The following CNTNAP5 variants were observed in gnomAD, a reference collection of about 807,000 sequenced individuals.
CNTNAP5 encodes contactin-associated protein-like 5.
Under a neutral mutation model 150.2 loss-of-function variants are expected in CNTNAP5, and 72 were observed. The ratio of observed to expected loss-of-function variants is 0.48; its 90% CI spans 0.40 to 0.58. The LOEUF is 0.58. CNTNAP5 is among the 20% of genes least tolerant of loss of function. CNTNAP5 has a pLI of 0.00. For synonymous variants in CNTNAP5, 672 were observed against 619.8 expected (o/e 1.08, Z -1.25); for missense variants, 1,636 against 1,626.2 (o/e 1.01, Z -0.10).
intron 1 of CNTNAP5, among the ~76,000 whole-genome samples, chr2:124,200,412 G>C (rs952347065): frequency 1.3e-5 from 2 of 151,440 alleles, no homozygotes; most frequent in Non-Finnish European, 2.9e-5. Context: ...CTTTTATCTT[G>C]GTTTTCAAAT....
intron 21 of CNTNAP5, among the ~76,000 whole-genome samples, chr2:124,888,200 TTTG>T (rs1313222664): frequency 6.6e-6 from 1 of 152,158 alleles, no homozygotes; most frequent in Non-Finnish European, 1.5e-5. Context: ...CATGCAGTGT[TTTG>T]TTTTCTGTTC....
intron 3 of CNTNAP5, among the ~76,000 whole-genome samples, chr2:124,337,124 A>G (rs1455735087): frequency 1.3e-5 from 2 of 152,206 alleles, no homozygotes; most frequent in Admixed American, 6.5e-5. Context: ...TCTGATGGCC[A>G]GTGATGATGA....
intron 12 of CNTNAP5, among the ~76,000 whole-genome samples, chr2:124,632,435 C>T (rs1235120619): frequency 6.6e-6 from 1 of 152,026 alleles, no homozygotes; most frequent in Non-Finnish European, 1.5e-5. Context: ...CTGTTATCCT[C>T]AGCAAACTAA....
intron 1 of CNTNAP5, among the ~76,000 whole-genome samples, chr2:124,165,872 A>G: frequency 6.6e-6 from 1 of 152,304 alleles, no homozygotes; most frequent in East Asian, 1.9e-4. Flanking sequence ...TACAACAAGT[A>G]CATGGAGCGG....
chr2:124,181,772 A>C (rs1411478635), intron 1 of CNTNAP5, among the ~76,000 whole-genome samples: 4 of 152,232 alleles, frequency 2.6e-5, no homozygotes, highest in African/African-American at 9.6e-5. Flanking sequence ...ATCAACTAAG[A>C]TTATAAATGC....
At chr2:124,896,473 A>T (rs1257295798) in intron 21 of CNTNAP5, among the ~76,000 whole-genome samples, 1 of 151,572 alleles carries the variant, frequency 6.6e-6, no homozygotes, top group Non-Finnish European at 1.5e-5. Context: ...GGGAGGACAG[A>T]CAAAATGGCA....
At chr2:124,122,619 G>A (rs1395396219) in intron 1 of CNTNAP5, among the ~76,000 whole-genome samples, 1 of 152,140 alleles carries the variant, frequency 6.6e-6, no homozygotes, top group African/African-American at 2.4e-5. Context: ...GTGATGAGCT[G>A]AGATAGAAGG....
chr2:124,441,277 T>C (rs1423954823), intron 5 of CNTNAP5, among the ~76,000 whole-genome samples: 1 of 152,232 alleles, frequency 6.6e-6, no homozygotes, highest in African/African-American at 2.4e-5. Flanking sequence ...CAGTGATATA[T>C]AGTCTTCAAC....
intron 3 of CNTNAP5, among the ~76,000 whole-genome samples, chr2:124,278,841 G>A (rs1687948506): frequency 6.6e-6 from 1 of 151,834 alleles, no homozygotes; most frequent in Non-Finnish European, 1.5e-5. Flanking sequence ...TCTTATTTGT[G>A]TCCTAAGTTC....
chr2:124,519,339 G>A (rs1694803434), intron 8 of CNTNAP5, among the ~76,000 whole-genome samples: 1 of 152,206 alleles, frequency 6.6e-6, no homozygotes, highest in South Asian at 2.1e-4. Context: ...TATATGGTAT[G>A]TGAATTTTAT....
chr2:124,625,749 C>G (rs1023918377), intron 12 of CNTNAP5, among the ~76,000 whole-genome samples: 1 of 152,154 alleles, frequency 6.6e-6, no homozygotes, highest in Non-Finnish European at 1.5e-5. Context: ...GGGAGACAGT[C>G]CAGTCAACAA....
intron 19 of CNTNAP5, among the ~76,000 whole-genome samples, chr2:124,857,597 G>T (rs944524447): frequency 6.6e-6 from 1 of 151,880 alleles, no homozygotes; most frequent in Admixed American, 6.6e-5. Context: ...AGGCCGAGGC[G>T]GGTGGATCAA....
intron 21 of CNTNAP5, among the ~76,000 whole-genome samples, chr2:124,886,775 C>A (rs1365411612): frequency 6.6e-6 from 1 of 151,952 alleles, no homozygotes. Context: ...GAATTCCAAA[C>A]TCCCCCTGCT....
chr2:124,555,458 T>C (rs981698489), intron 10 of CNTNAP5, among the ~76,000 whole-genome samples: 1 of 152,202 alleles, frequency 6.6e-6, no homozygotes, highest in African/African-American at 2.4e-5. Flanking sequence ...CACTGTATCA[T>C]TGGATTCAAA....
At chr2:124,117,327 C>T (rs1683450974) in intron 1 of CNTNAP5, among the ~76,000 whole-genome samples, 1 of 152,246 alleles carries the variant, frequency 6.6e-6, no homozygotes, top group African/African-American at 2.4e-5. Context: ...ACTTGATTGA[C>T]TTGTCTCTTA....
At chr2:124,568,178 T>C (rs757945110) in intron 11 of CNTNAP5, among the ~76,000 whole-genome samples, 10 of 152,172 alleles carry the variant, frequency 6.6e-5, no homozygotes, top group Admixed American at 5.2e-4. Context: ...TAAGACGCAG[T>C]AGAATAGTGT....
At chr2:124,851,570 T>C (rs1317044009) in intron 19 of CNTNAP5, among the ~76,000 whole-genome samples, 1 of 152,086 alleles carries the variant, frequency 6.6e-6, no homozygotes, top group African/African-American at 2.4e-5. Context: ...GAAAGGAAAG[T>C]CAGCACATAG....
intron 8 of CNTNAP5, among the ~76,000 whole-genome samples, chr2:124,510,477 GTA>G (rs70996072): frequency 0.01 from 1,052 of 102,232 alleles, 12 homozygotes; most frequent in African/African-American, 0.023. Flanking sequence ...TTATGTATGT[GTA>G]TATATATATA....
chr2:124,917,528 G>C lies in CNTNAP5; in HGVS notation c.*3240G>C, dbSNP rs1678794845. On this transcript the variant is annotated 3_prime_UTR_variant, in exon 24 of 24. Transcript: ENST00000682447. Reference sequence around the variant, plus strand: ...TTCTATTTACCCTCTGCTGTATGCAGAAGATTTTAAGGATCCTAGCGGTGA... The same window carrying C: ...TTCTATTTACCCTCTGCTGTATGCACAAGATTTTAAGGATCCTAGCGGTGA... Among the ~76,000 whole-genome samples the C allele has an allele frequency of 6.6e-6, 1 of 152,018 alleles. No individual in the cohort carries two copies. The highest frequency in any genetic ancestry group is 6.6e-5 in the Admixed American group (1 of 15,234).
Sources: allele counts gnomAD v4.1 joint callset (sites outside exome capture counted in the v4.1 genomes callset), GRCh38; gene constraint gnomAD v4.1.1; transcripts MANE v1.5; gene names NCBI Gene and HGNC (gene_info 2026-07-23, HGNC 2026-07-21).